Variants in RPS6KA2 observed in about 807,000 individuals in gnomAD.
The protein encoded by RPS6KA2 is ribosomal protein S6 kinase alpha-2.
In RPS6KA2, 42 loss-of-function variants were observed where a neutral mutation model predicts 91.8. The ratio of observed to expected loss-of-function variants is 0.46; its 90% CI spans 0.36 to 0.59. The LOEUF is 0.59. Among genes scored for constraint, RPS6KA2 ranks in the 20% least tolerant of loss-of-function variants. The pLI is 0.00. For missense variants in RPS6KA2, 798 were observed against 978.5 expected (o/e 0.82, Z 2.46); for synonymous variants, 414 against 393.6 (o/e 1.05, Z -0.61).
chr6:166,536,671 G>A (rs541562992), intron 2 of RPS6KA2, among the ~76,000 whole-genome samples: 43 of 152,120 alleles, frequency 2.8e-4, no homozygotes, highest in Non-Finnish European at 4.7e-4. Context: ...CTCCTGCCCC[G>A]CCCCTCACAC....
rs112440265 is a variant in RPS6KA2 at position 166,451,332 on chromosome 6, C to CAT, written c.1076-100_1076-99insAT. On this transcript the variant is annotated intron_variant, in intron 12 of 20. Coordinates refer to ENST00000265678, the MANE Select transcript of RPS6KA2 (RefSeq NM_021135.6). ...TGCATGTGGTATGTGTGTGCAAGTC[C>CAT]GTGTGTGTGTGTGTGTGTGTGTGTG... 104 of 922,262 alleles carry CAT rather than the reference C, an allele frequency of 1.1e-4. No individual in the cohort carries two copies. In the African/African-American group the frequency reaches 1.3e-3, roughly 12 times the overall value. 57.1% of individuals were successfully genotyped at this position (922,262 alleles called of 1,614,324 possible). A position where few individuals can be genotyped will look rare whatever the true frequency, so the allele number is the denominator to read the frequency against.
intron 1 of RPS6KA2, among the ~76,000 whole-genome samples, chr6:166,569,684 G>C (rs1784625011): frequency 6.6e-6 from 1 of 152,212 alleles, no homozygotes; most frequent in Admixed American, 6.5e-5. Flanking sequence ...CACCTTGGGA[G>C]CTGTGGACTT....
chr6:166,764,105 G>A (rs778274330), intron 2 of RPS6KA2, among the ~76,000 whole-genome samples: 16 of 152,200 alleles, frequency 1.1e-4, no homozygotes, highest in South Asian at 6.2e-4. Flanking sequence ...GCCTTGCATC[G>A]CTGCCGGCTC....
intron 2 of RPS6KA2, among the ~76,000 whole-genome samples, chr6:166,731,189 CCGAG>C (rs1790503260): frequency 6.6e-6 from 1 of 152,038 alleles, no homozygotes; most frequent in Admixed American, 6.6e-5. Context: ...TTGCGGTGAG[CCGAG>C]ATTGCGCCAT....
intron 2 of RPS6KA2, among the ~76,000 whole-genome samples, chr6:166,805,728 A>G (rs548786425): frequency 4.6e-5 from 7 of 152,214 alleles, no homozygotes; most frequent in Admixed American, 4.6e-4. Context: ...ATCATAAGAC[A>G]TACCAAAAAA....
At chr6:166,574,793 C>A (rs917951787) in intron 1 of RPS6KA2, among the ~76,000 whole-genome samples, 3 of 151,860 alleles carry the variant, frequency 2.0e-5, no homozygotes, top group African/African-American at 4.8e-5. Context: ...TGCAGAAAAA[C>A]CAGGTTAATT....
Position 166,432,467 on chromosome 6 carries a change from G to T in RPS6KA2, c.1356C>A (p.Asp452Glu). The change falls in exon 15 of 21, where the codon GAC (aspartate) becomes GAA (glutamate). Residue 452 changes from aspartate to glutamate, a missense_variant. Asp to Glu is a conservative substitution (Grantham distance 45). Coordinates refer to ENST00000265678, the MANE Select transcript of RPS6KA2 (RefSeq NM_021135.6). ...AVKIIDKSKRDPSEEIEILLR... is the reference protein window; with the variant it reads ...AVKIIDKSKREPSEEIEILLR... The stretch of plus-strand genomic sequence containing the variant: ...GGAGGATCTCAATCTCTTCCGAGGG[G>T]TCTCTCTTGCTCTTATCAATGATCT... The T allele has an allele frequency of 4.3e-6, 7 of 1,613,004 alleles. No homozygotes were observed. In the Middle Eastern group the frequency reaches 1.2e-3, roughly 266 times the overall value.
At chr6:166,802,850 T>A (rs928642955) in intron 2 of RPS6KA2, among the ~76,000 whole-genome samples, 1 of 152,134 alleles carries the variant, frequency 6.6e-6, no homozygotes, top group Non-Finnish European at 1.5e-5. Flanking sequence ...TACTTGAATG[T>A]AACCATAATG....
chr6:166,599,522 T>C (rs1785654919), intron 1 of RPS6KA2, among the ~76,000 whole-genome samples: 1 of 152,168 alleles, frequency 6.6e-6, no homozygotes, highest in South Asian at 2.1e-4. Context: ...CCTGGCTAGC[T>C]CCATTCAGCC....
rs1055239754 is a variant in RPS6KA2 at position 166,799,366 on chromosome 6, T to C, written c.123+58834A>G. On this transcript the variant is annotated intron_variant, in intron 2 of 21. Transcript: ENST00000503859. ...TAAGGATAATTCAAAGAAACAACAT[T>C]TAGAGTCTGTGGTTACAGAAAATTA... Among the ~76,000 whole-genome samples, 5 of 152,180 alleles carry C rather than the reference T, an allele frequency of 3.3e-5. No individual in the cohort carries two copies. The South Asian group carries it at 1.0e-3, about 32-fold the overall frequency.
intron 5 of RPS6KA2, among the ~76,000 whole-genome samples, chr6:166,505,865 G>C (rs944990874): frequency 1.5e-4 from 23 of 152,254 alleles, no homozygotes; most frequent in African/African-American, 5.5e-4. Context: ...CGTTCTGCTA[G>C]TGGCCTGGTT....
chr6:166,638,035 A>C (rs1307794315), intron 2 of RPS6KA2, among the ~76,000 whole-genome samples: 1 of 152,276 alleles, frequency 6.6e-6, no homozygotes, highest in Non-Finnish European at 1.5e-5. Context: ...GCCTTCGCCC[A>C]GGGGCACGGC....
chr6:166,837,246 G>A (rs1270487400), intron 2 of RPS6KA2, among the ~76,000 whole-genome samples: 1 of 152,104 alleles, frequency 6.6e-6, no homozygotes, highest in African/African-American at 2.4e-5. Flanking sequence ...CCCCCACGGA[G>A]CAGCCTTCTC....
intron 2 of RPS6KA2, among the ~76,000 whole-genome samples, chr6:166,656,030 G>T (rs943676662): frequency 2.0e-5 from 3 of 152,238 alleles, no homozygotes; most frequent in Non-Finnish European, 2.9e-5. Context: ...ACAACAGTGA[G>T]CATGGGCTGC....
At chr6:166,520,016 G>A (rs1038129193) in intron 3 of RPS6KA2, among the ~76,000 whole-genome samples, 1 of 152,024 alleles carries the variant, frequency 6.6e-6, no homozygotes, top group Non-Finnish European at 1.5e-5. Flanking sequence ...CCCCTATATG[G>A]GCAGGCACCA....
At position 166,500,274 on chromosome 6, in the gene RPS6KA2, C is replaced by T. The variant is rs561811464; in HGVS notation, c.604+613G>A. On this transcript the variant is annotated intron_variant, in intron 7 of 20. Coordinates refer to ENST00000265678, the MANE Select transcript of RPS6KA2 (RefSeq NM_021135.6). The surrounding 1 kb of genome is among the most constrained non-coding windows in gnomAD (Gnocchi z 4.3). The stretch of plus-strand genomic sequence containing the variant: ...TTGTGTGGTTTAAAGCCCCGATGTT[C>T]CTGGCATTTTGTTGCAGATGCTATA... 1.3e-5 allele frequency among the ~76,000 whole-genome samples: 2 copies of T among 152,330 alleles called. No homozygotes were observed. The highest frequency in any genetic ancestry group is 6.5e-5 in the Admixed American group (1 of 15,300).
chr6:166,862,703 C>CGGGGGGGGGG (rs34038936), upstream of RPS6KA2: 1 of 123,156 alleles, frequency 8.1e-6, no homozygotes, highest in African/African-American at 4.0e-5. Context: ...GCTGGGGAGG[C>CGGGGGGGGGG]GGGGGGGGGG....
At chr6:166,576,286 T>C (rs1395560815) in intron 1 of RPS6KA2, among the ~76,000 whole-genome samples, 1 of 152,188 alleles carries the variant, frequency 6.6e-6, no homozygotes, top group Non-Finnish European at 1.5e-5. Context: ...GAGTAAGGCA[T>C]TGCTGAAAAC....
intron 2 of RPS6KA2, among the ~76,000 whole-genome samples, chr6:166,650,477 CTT>C (rs776694436): frequency 6.6e-6 from 1 of 151,972 alleles, no homozygotes; most frequent in East Asian, 1.9e-4. Flanking sequence ...TCACCGTCCT[CTT>C]TTCACGGCCA....
Sources: allele counts gnomAD v4.1 joint callset (sites outside exome capture counted in the v4.1 genomes callset), GRCh38; gene constraint gnomAD v4.1.1; non-coding constraint Gnocchi (gnomAD v3.1); transcripts MANE v1.5; gene names NCBI Gene and HGNC (gene_info 2026-07-23, HGNC 2026-07-21).